SCAPER: variants seen among roughly 807,000 people sequenced by gnomAD.
SCAPER encodes the protein S phase cyclin A-associated protein in the endoplasmic reticulum.
A neutral mutation model predicts 182.2 loss-of-function variants in SCAPER; 98 were observed. The observed-to-expected ratio is 0.54, with a 90% CI of 0.46 to 0.64. The LOEUF (loss-of-function observed/expected upper bound fraction) is 0.64. Ranked by LOEUF, SCAPER falls within the 30% of genes least tolerant of loss-of-function variation. SCAPER has a pLI of 0.00. For missense variants in SCAPER, 1,432 were observed against 1,690.0 expected, an observed-to-expected ratio of 0.85 and a Z score of 2.68; for synonymous variants, 605 against 564.6, an observed-to-expected ratio of 1.07 and a Z score of -1.01.
At chr15:76,469,057 T>C (rs974589933) in intron 25 of SCAPER, among the ~76,000 whole-genome samples, 2 of 152,172 alleles carry the variant, frequency 1.3e-5, no homozygotes, top group African/African-American at 4.8e-5. Context: ...ATTTTGTAAT[T>C]GCAGCCTGGA....
At chr15:76,874,073 T>C (rs1166096694) in intron 2 of SCAPER, among the ~76,000 whole-genome samples, 1 of 152,084 alleles carries the variant, frequency 6.6e-6, no homozygotes, top group African/African-American at 2.4e-5. Context: ...ACTGTATTTT[T>C]AGTAGAGACA....
At chr15:76,356,881 G>A (rs1318716954) in intron 29 of SCAPER, among the ~76,000 whole-genome samples, 1 of 152,154 alleles carries the variant, frequency 6.6e-6, no homozygotes, top group African/African-American at 2.4e-5. Flanking sequence ...ATAGTAATCA[G>A]AAGCAGTCTT....
chr15:76,747,338 C>T (rs1463705168), intron 15 of SCAPER, among the ~76,000 whole-genome samples: 1 of 151,958 alleles, frequency 6.6e-6, no homozygotes, highest in Non-Finnish European at 1.5e-5. Context: ...TCCATCTCTA[C>T]TAAAAATACA....
At chr15:76,388,551 C>T (rs190992770) in intron 27 of SCAPER, among the ~76,000 whole-genome samples, 1 of 152,252 alleles carries the variant, frequency 6.6e-6, no homozygotes, top group East Asian at 1.9e-4. Flanking sequence ...GGTGGAAGGT[C>T]ACATCCACTG....
intron 18 of SCAPER, among the ~76,000 whole-genome samples, chr15:76,703,381 A>G (rs182465683): frequency 3.5e-4 from 54 of 152,352 alleles, no homozygotes; most frequent in Middle Eastern, 3.4e-3. Flanking sequence ...TTATTTGCCA[A>G]TAACACATTT....
At position 76,609,360 on chromosome 15, in the gene SCAPER, G is replaced by A. The variant is rs147640191; in HGVS notation, c.2711+12404C>T. 8.1e-3 allele frequency among the ~76,000 whole-genome samples: 1,225 copies of A among 151,686 alleles called. 12 individuals carry two copies. Among genetic ancestry groups the A allele is most frequent in the African/African-American group, 0.028 (1,162 of 41,352 alleles). On this transcript the variant is annotated intron_variant, in intron 22 of 31. Transcript: ENST00000563290. ...AAAAAAATGCTGGGCATGGTGGCGT[G>A]TGCCTGTAGTCCTAACTACCGAGGA...
chr15:76,804,044 T>C (rs1223713068), intron 6 of SCAPER, among the ~76,000 whole-genome samples: 1 of 152,190 alleles, frequency 6.6e-6, no homozygotes, highest in African/African-American at 2.4e-5. Flanking sequence ...GAAGAAATAC[T>C]GTATCTTTCC....
At position 76,765,622 on chromosome 15, in the gene SCAPER, C is replaced by T. The variant is rs774893172; in HGVS notation, c.1436G>A (p.Gly479Glu). The change falls in exon 12 of 32, where the codon GGG becomes GAG. Residue 479 changes from glycine to glutamate, a missense_variant. This residue lies in a region of SCAPER where 128 missense variants were observed against 149.9 expected (regional missense o/e 0.85). Transcript: ENST00000563290. ...DSDFSASMGS[G>E]SVSFCGMSMD... ...GGACATACCACAGAAAGAAACACTC[C>T]CACTGCCCATGCTGGCCTAAAATGT... 3.8e-6 allele frequency: 6 copies of T among 1,581,730 alleles called. No homozygotes were observed. Among genetic ancestry groups the T allele is most frequent in the Middle Eastern group, 1.7e-4 (1 of 6,024 alleles).
At chr15:76,720,712 C>T (rs2060182537) in intron 17 of SCAPER, among the ~76,000 whole-genome samples, 3 of 152,194 alleles carry the variant, frequency 2.0e-5, no homozygotes, top group South Asian at 4.1e-4. Flanking sequence ...TGGTTCTTGG[C>T]TGCATAAATG....
At chr15:76,783,395 C>T (rs1394791506) in intron 8 of SCAPER, among the ~76,000 whole-genome samples, 5 of 152,096 alleles carry the variant, frequency 3.3e-5, no homozygotes, top group African/African-American at 9.7e-5. Context: ...TAATTAATAG[C>T]CTACCAACCA....
At position 76,795,419 on chromosome 15, in the gene SCAPER, T is replaced by C. The variant is rs185833829; in HGVS notation, c.633A>G (p.Pro211=). 1 of 1,604,142 alleles carries C rather than the reference T, an allele frequency of 6.2e-7. No individual in the cohort carries two copies. Among genetic ancestry groups the C allele is most frequent in the Admixed American group, 1.7e-5 (1 of 59,172 alleles). Residue 211 remains proline, a synonymous_variant, in exon 8 of 32, where the codon CCA becomes CCG. Coordinates refer to ENST00000563290, the MANE Select transcript of SCAPER (RefSeq NM_020843.4). ...LNFGGSTGTV[P]APRLAPTGVS... ...CACCTGTGGGAGCCAGACGAGGAGC[T>C]GGCACTGTGCCAGTTGAACCTCTAT...
rs539945867 is a variant in SCAPER, at chr15:76,607,036, T to A, written c.2711+14728A>T. Among the ~76,000 whole-genome samples the A allele has an allele frequency of 3.1e-3, 468 of 152,350 alleles. 4 individuals carry two copies. Among genetic ancestry groups the A allele is most frequent in the African/African-American group, 0.011 (451 of 41,576 alleles). On this transcript the variant is annotated intron_variant, in intron 22 of 31. Transcript: ENST00000563290. ...TTTACATCTAAAGTTAATATTGTTA[T>A]GTGTGAATTTGATCCTGTCATTATG...
chr15:76,669,165 A>G (rs945082930), intron 20 of SCAPER, among the ~76,000 whole-genome samples: 3 of 152,114 alleles, frequency 2.0e-5, no homozygotes. Context: ...TCTGAGCTAC[A>G]GAGTTGTGCT....
chr15:76,460,633 G>C (rs566716125), intron 25 of SCAPER, among the ~76,000 whole-genome samples: 11 of 151,990 alleles, frequency 7.2e-5, no homozygotes, highest in Admixed American at 7.2e-4. Flanking sequence ...TCTCCTTTTG[G>C]ATATCCAGTG....
At chr15:76,350,981 A>T in intron 31 of SCAPER, 1 of 354,290 alleles carries the variant, frequency 2.8e-6, no homozygotes, top group Non-Finnish European at 5.1e-6. Flanking sequence ...ATCTTGCATG[A>T]GATGATTATA....
At chr15:76,876,495 G>A (rs1464431006) in intron 2 of SCAPER, among the ~76,000 whole-genome samples, 2 of 149,508 alleles carry the variant, frequency 1.3e-5, no homozygotes, top group Non-Finnish European at 3.0e-5. Flanking sequence ...AAACATAAAC[G>A]TACTTGCAAA....
chr15:76,387,161 T>G (rs554945541), intron 27 of SCAPER, among the ~76,000 whole-genome samples: 2 of 152,248 alleles, frequency 1.3e-5, no homozygotes, highest in African/African-American at 4.8e-5. Context: ...GAGTGAAAAA[T>G]GGCTCAATGC....
At chr15:76,389,176 A>G (rs2043488002) in intron 27 of SCAPER, among the ~76,000 whole-genome samples, 1 of 152,076 alleles carries the variant, frequency 6.6e-6, no homozygotes, top group Non-Finnish European at 1.5e-5. Context: ...TGTGTAAGCA[A>G]TCTAAGACAG....
intron 8 of SCAPER, among the ~76,000 whole-genome samples, chr15:76,784,564 G>A (rs1185297264): frequency 6.6e-6 from 1 of 152,204 alleles, no homozygotes; most frequent in East Asian, 1.9e-4. Context: ...CCAAGAAAGA[G>A]CCCGCATTGT....
Sources: allele counts gnomAD v4.1 joint callset (sites outside exome capture counted in the v4.1 genomes callset), GRCh38; gene constraint gnomAD v4.1.1; regional missense constraint gnomAD v4.1.1; transcripts MANE v1.5; gene names NCBI Gene and HGNC (gene_info 2026-07-23, HGNC 2026-07-21).